MYO1F: variants seen among roughly 807,000 people sequenced by gnomAD.
MYO1F encodes unconventional myosin-If.
A neutral mutation model predicts 146.6 loss-of-function variants in MYO1F; 60 were observed. The observed-to-expected ratio is 0.41, with a 90% CI of 0.33 to 0.51. The LOEUF (loss-of-function observed/expected upper bound fraction) is 0.51, where lower values mean the gene tolerates loss of function less well. Ranked by LOEUF, MYO1F falls within the 20% of genes least tolerant of loss-of-function variation. The pLI, the probability that MYO1F is intolerant of heterozygous loss-of-function variation, is 0.25. For synonymous variants in MYO1F, 602 were observed against 602.1 expected (o/e 1.00, Z 0.00); for missense variants, 1,274 against 1,534.3 (o/e 0.83, Z 2.83).
Position 8,544,332 on chromosome 19 carries a change from T to C in MYO1F, c.1489A>G (p.Ser497Gly), listed in dbSNP as rs759903295. 2 of 1,612,888 alleles carry C rather than the reference T, an allele frequency of 1.2e-6. No individual in the cohort carries two copies. The highest frequency in any genetic ancestry group is 1.7e-5 in the Admixed American group (1 of 59,950). ...VGTHEHFNSW[S>G]AGFVIHHYAG... Reference sequence around the variant, plus strand: ...TAGTGGTGGATGACGAAGCCGGCGCTCCAGCTGTTGAAATGCTCGTGGGTC... The same window carrying C: ...TAGTGGTGGATGACGAAGCCGGCGCCCCAGCTGTTGAAATGCTCGTGGGTC... Residue 497 changes from serine (S) to glycine (G), a missense_variant, in exon 14 of 28, where the codon AGC becomes GGC. By Grantham distance (56) the Ser-to-Gly change is moderately conservative (BLOSUM62 0). Transcript: ENST00000644032.
At chr19:8,575,911 G>A (rs1345966355) in intron 1 of MYO1F, among the ~76,000 whole-genome samples, 1 of 152,202 alleles carries the variant, frequency 6.6e-6, no homozygotes, top group African/African-American at 2.4e-5. Context: ...TCCCTGGCTT[G>A]CTTCTCATCT....
At position 8,527,404 on chromosome 19, in the gene MYO1F, T is replaced by C; in HGVS notation, c.2408A>G (p.Lys803Arg). Residue 803 changes from lysine (K) to arginine (R), a missense_variant, in exon 22 of 28, where the codon AAG becomes AGG. By Grantham distance (26) the Lys-to-Arg change is conservative. Around this residue, in one of 2 missense-constraint regions of MYO1F, gnomAD observed 900 missense variants for 1,155.1 expected, o/e 0.78. Coordinates refer to ENST00000644032, the MANE Select transcript of MYO1F (RefSeq NM_012335.4). ...GREKVKKGPEKGQVCEVLKKK... is the reference protein window; with the variant it reads ...GREKVKKGPERGQVCEVLKKK... Reference sequence around the variant, plus strand: ...CTTCAAGACTTCACACACCTGGCCCTTCTCAGGTCCCTTCTTCACTTTCTC... The same window carrying C: ...CTTCAAGACTTCACACACCTGGCCCCTCTCAGGTCCCTTCTTCACTTTCTC... 1 of 1,614,078 alleles carries C rather than the reference T, an allele frequency of 6.2e-7. No individual in the cohort carries two copies. Among genetic ancestry groups the C allele is most frequent in the East Asian group, 2.2e-5 (1 of 44,870 alleles).
rs937409147 is a variant in MYO1F, at chr19:8,548,229, G to T, written c.1182+8C>A. The T allele has an allele frequency of 3.1e-6, 5 of 1,613,934 alleles. No homozygotes were observed. The highest frequency in any genetic ancestry group is 4.2e-6 in the Non-Finnish European group (5 of 1,179,978). On this transcript the variant is annotated splice_region_variant and intron_variant, in intron 11 of 27. Coordinates refer to ENST00000644032, the MANE Select transcript of MYO1F (RefSeq NM_012335.4). Reference sequence around the variant, plus strand: ...GACAGGATGTGGGCTGGAGGCAGGGGGCCGTACCTGGAAGATCTCGAAGCC... The same window carrying T: ...GACAGGATGTGGGCTGGAGGCAGGGTGCCGTACCTGGAAGATCTCGAAGCC...
rs1169762221 is a variant in MYO1F at position 8,530,346 on chromosome 19, G to C, written c.2178C>G (p.Asn726Lys). ...MREEASNILL[N>K]KKERRRNSIN... ...TGCTGTTGCGCCTCCGCTCCTTCTT[G>C]TTCAGCAGGATGTTGGAAGCTGCGG... The change falls in exon 21 of 28, where the codon AAC (asparagine) becomes AAG (lysine). Residue 726 changes from asparagine to lysine, a missense_variant. Physicochemically the swap from Asn to Lys is moderately conservative, Grantham distance 94 (BLOSUM62 0). Around this residue, in one of 2 missense-constraint regions of MYO1F, gnomAD observed 900 missense variants for 1,155.1 expected, o/e 0.78. Coordinates refer to ENST00000644032, the MANE Select transcript of MYO1F (RefSeq NM_012335.4). This position sits in a 1 kb window ranked among gnomAD's most constrained non-coding sequence, Gnocchi z 5.8. 1.2e-6 allele frequency: 2 copies of C among 1,614,194 alleles called. No homozygotes were observed. Among genetic ancestry groups the C allele is most frequent in the Non-Finnish European group, 1.7e-6 (2 of 1,180,036 alleles).
chr19:8,537,884 G>C (rs921234770), intron 16 of MYO1F, among the ~76,000 whole-genome samples: 1 of 152,182 alleles, frequency 6.6e-6, no homozygotes, highest in African/African-American at 2.4e-5. Flanking sequence ...CTGAGCCACT[G>C]TGCCTGGCTA....
chr19:8,539,039 A>G (rs749333226), intron 16 of MYO1F, among the ~76,000 whole-genome samples: 30 of 152,028 alleles, frequency 2.0e-4, no homozygotes, highest in Non-Finnish European at 4.1e-4. Context: ...TAATCCCAGC[A>G]CTTTGGGAGG....
chr19:8,524,117 T>G (rs1461335640), intron 25 of MYO1F, among the ~76,000 whole-genome samples: 1 of 3,006 alleles, frequency 3.3e-4, no homozygotes, highest in Non-Finnish European at 1.0e-3. Context: ...AGACACCGTC[T>G]CAAAAAAAAA....
In MYO1F at chr19:8,577,164, T is replaced by G. The variant is rs1205093211; in HGVS notation, c.3+143A>C. On this transcript the variant is annotated intron_variant, in intron 1 of 27. Coordinates refer to ENST00000644032, the MANE Select transcript of MYO1F (RefSeq NM_012335.4). This position sits in a 1 kb window ranked among gnomAD's most constrained non-coding sequence, Gnocchi z 4.3. ...TAAGGGATGCTGGAGGCACCTGAGC[T>G]GCACTGAGAGACACCCCACCCCCAC... 8.3e-6 allele frequency: 8 copies of G among 965,328 alleles called. No individual in the cohort carries two copies. The highest frequency in any genetic ancestry group is 4.2e-5 in the South Asian group (3 of 71,718). The allele number at this position is 965,328 out of a possible 1,614,324, so 59.8% of individuals were successfully genotyped here.
chr19:8,549,857 A>G (rs1347241244), intron 10 of MYO1F: 5 of 488,662 alleles, frequency 1.0e-5, no homozygotes, highest in South Asian at 6.3e-5. Context: ...CTGGAGTACA[A>G]TAGCGCAATC....
rs1176648618 is a variant in MYO1F, at chr19:8,544,000, TGGTGGCGGTGGC to T, written c.1524+285_1524+296del. On this transcript the variant is annotated intron_variant, in intron 14 of 27. Transcript: ENST00000644032. ...GTGCTGGTGCTGGTGGTGGTGCTGG[TGGTGGCGGTGGC>T]GGTGGCGGTGGCGGTGGCGGTGGCG... The T allele has an allele frequency of 7.4e-3, 1,148 of 154,830 alleles. 21 individuals are homozygous for T. Among genetic ancestry groups the T allele is most frequent in the Middle Eastern group, 0.023 (14 of 610 alleles). 9.6% of individuals were successfully genotyped at this position (154,830 alleles called of 1,614,324 possible).
chr19:8,560,959 A>G (rs568856066), intron 1 of MYO1F, among the ~76,000 whole-genome samples: 352 of 151,220 alleles, frequency 2.3e-3, no homozygotes, highest in Middle Eastern at 3.5e-3. Flanking sequence ...GGATGGTCTC[A>G]ATCTCCTGAC....
chr19:8,554,609 G>T (rs746916738), intron 3 of MYO1F, 38 bp from the exon 4 acceptor site: 32 of 1,610,478 alleles, frequency 2.0e-5, no homozygotes, highest in Non-Finnish European at 2.7e-5. Context: ...AGGGCTGGGG[G>T]CCAGGAGTCT....
At chr19:8,527,719 C>T (rs945791032) in intron 21 of MYO1F, among the ~76,000 whole-genome samples, 2 of 152,164 alleles carry the variant, frequency 1.3e-5, no homozygotes, top group Admixed American at 6.5e-5. Flanking sequence ...CTTGAGTGAT[C>T]CACCTGCCTC....
intron 15 of MYO1F, among the ~76,000 whole-genome samples, chr19:8,541,403 TTGTG>T (rs200079933): frequency 7.5e-4 from 98 of 130,550 alleles, no homozygotes; most frequent in African/African-American, 3.1e-3. Flanking sequence ...GCTATGTTCT[TTGTG>T]TGTGTGTGTG....
In MYO1F at chr19:8,530,549, C is replaced by G; in HGVS notation, c.2068G>C (p.Glu690Gln). 1 of 1,612,664 alleles carries G rather than the reference C, an allele frequency of 6.2e-7. No homozygotes were observed. The highest frequency in any genetic ancestry group is 2.2e-5 in the East Asian group (1 of 44,878). Residue 690 changes from glutamate (E) to glutamine (Q), a missense_variant, in exon 20 of 28, where the codon GAG (glutamate) becomes CAG (glutamine). Coordinates refer to ENST00000644032, the MANE Select transcript of MYO1F (RefSeq NM_012335.4). This position sits in a 1 kb window ranked among gnomAD's most constrained non-coding sequence, Gnocchi z 5.8. The part of the protein sequence containing the change: ...ESLFLLEEVR[E>Q]RKFDGFARTI... ...CGGGCAAAGCCATCGAACTTTCGCT[C>G]TCGCACCTCCTCCAGGAGGAAAAGC...
At chr19:8,573,091 G>C (rs1357319294) in intron 1 of MYO1F, among the ~76,000 whole-genome samples, 1 of 151,968 alleles carries the variant, frequency 6.6e-6, no homozygotes, top group Non-Finnish European at 1.5e-5. Flanking sequence ...GGCAGATCAC[G>C]AGGTCAGGAG....
chr19:8,545,997 G>A (rs1002978121), intron 12 of MYO1F, among the ~76,000 whole-genome samples: 2 of 151,212 alleles, frequency 1.3e-5, no homozygotes, highest in South Asian at 2.1e-4. Context: ...TCGAGTCCCA[G>A]TGCAGTTGCA....
At chr19:8,549,078 G>A (rs976055071) in intron 10 of MYO1F, among the ~76,000 whole-genome samples, 5 of 151,626 alleles carry the variant, frequency 3.3e-5, no homozygotes, top group Non-Finnish European at 1.5e-5. Flanking sequence ...AGCCTCCCAA[G>A]TAGCTGGGAT....
At chr19:8,531,072 A>G (rs992061624) in intron 19 of MYO1F, among the ~76,000 whole-genome samples, 2 of 150,724 alleles carry the variant, frequency 1.3e-5, no homozygotes, top group Non-Finnish European at 3.0e-5. Flanking sequence ...AAACAAAAAA[A>G]GCTGGTGGCT....
Sources: gnomAD v4.1 joint callset for allele counts (sites outside exome capture counted in the v4.1 genomes callset) on GRCh38, gnomAD v4.1.1 for gene constraint, gnomAD v4.1.1 regional missense constraint, Gnocchi (gnomAD v3.1) non-coding constraint, MANE v1.5 for transcripts, NCBI Gene and HGNC (gene_info 2026-07-23, HGNC 2026-07-21) for gene names.